SMAP1: variants seen among roughly 807,000 people sequenced by gnomAD.
The protein encoded by SMAP1 is small ArfGAP 1, also known as stromal membrane-associated protein 1.
Under a neutral mutation model 58.5 loss-of-function variants are expected in SMAP1, and 24 were observed. The ratio of observed to expected loss-of-function variants is 0.41; its 90% CI spans 0.30 to 0.58. The LOEUF is 0.58. Ranked by LOEUF, SMAP1 falls within the 20% of genes least tolerant of loss-of-function variation. The probability of loss-of-function intolerance (pLI) is 0.29; values close to 1 mark genes in which losing one functional copy is unlikely to be tolerated. For missense variants in SMAP1, 563 were observed against 566.3 expected, an observed-to-expected ratio of 0.99 and a Z score of 0.06; for synonymous variants, 216 against 196.6, an observed-to-expected ratio of 1.10 and a Z score of -0.82.
intron 6 of SMAP1, among the ~76,000 whole-genome samples, chr6:70,802,264 T>TAAA (rs1768894880): frequency 6.6e-6 from 1 of 152,178 alleles, no homozygotes; most frequent in Admixed American, 6.5e-5. Flanking sequence ...GGTATTTTAT[T>TAAA]CTCTTTGTAG....
intron 1 of SMAP1, among the ~76,000 whole-genome samples, chr6:70,728,648 A>C (rs892973946): frequency 6.6e-6 from 1 of 152,230 alleles, no homozygotes; most frequent in African/African-American, 2.4e-5. Context: ...ATGAAAAAAG[A>C]GTAGATGCCT....
chr6:70,799,533 AAG>A (rs1231415611), intron 6 of SMAP1, among the ~76,000 whole-genome samples: 9 of 152,210 alleles, frequency 5.9e-5, no homozygotes, highest in Admixed American at 2.6e-4. Flanking sequence ...GAATCATACT[AAG>A]AGAATTGTCA....
intron 1 of SMAP1, 78 bp from the exon 2 acceptor site, chr6:70,732,300 G>T (rs1422407419): frequency 1.3e-5 from 18 of 1,434,652 alleles, no homozygotes; most frequent in Non-Finnish European, 1.1e-5. Context: ...ATAAAACCGA[G>T]AATGCTTCTA....
rs1202139695 is a variant in SMAP1 at position 70,823,740 on chromosome 6, A to AT, written c.577-13195dup. On this transcript the variant is annotated intron_variant, in intron 6 of 10. Transcript: ENST00000370455. The stretch of plus-strand genomic sequence containing the variant: ...ATTGTTAGGCTGTTTTTTAATTTGT[A>AT]TTTTTTGTTGTATTATTTTTTATTT... Among the ~76,000 whole-genome samples the AT allele has an allele frequency of 2.6e-5, 4 of 151,938 alleles. No homozygotes were observed. In the East Asian group the frequency reaches 7.7e-4, roughly 29 times the overall value.
intron 6 of SMAP1, among the ~76,000 whole-genome samples, chr6:70,819,403 A>G (rs1240771080): frequency 6.6e-6 from 1 of 151,776 alleles, no homozygotes; most frequent in African/African-American, 2.4e-5. Flanking sequence ...ATAAATATTT[A>G]CAAGATGGAT....
At chr6:70,761,576 G>A (rs1233121891) in intron 3 of SMAP1, among the ~76,000 whole-genome samples, 2 of 151,878 alleles carry the variant, frequency 1.3e-5, no homozygotes, top group Non-Finnish European at 2.9e-5. Context: ...AAACTTGATG[G>A]TATGCAAGCC....
At chr6:70,802,830 C>A (rs190885031) in intron 6 of SMAP1, among the ~76,000 whole-genome samples, 11 of 152,050 alleles carry the variant, frequency 7.2e-5, no homozygotes, top group Admixed American at 6.6e-4. Flanking sequence ...GTATGTTGAA[C>A]CAGCCTTGCA....
At chr6:70,764,597 C>T (rs528910768) in intron 3 of SMAP1, among the ~76,000 whole-genome samples, 37 of 152,310 alleles carry the variant, frequency 2.4e-4, no homozygotes, top group African/African-American at 8.4e-4. Context: ...CATCTGTTTA[C>T]AGCATGGTTT....
chr6:70,705,125 A>G (rs963168158), intron 1 of SMAP1, among the ~76,000 whole-genome samples: 1 of 152,194 alleles, frequency 6.6e-6, no homozygotes, highest in Non-Finnish European at 1.5e-5. Flanking sequence ...TGAATGAACA[A>G]TTAAGCTTCT....
At chr6:70,779,666 C>T (rs1767682089) in intron 4 of SMAP1, among the ~76,000 whole-genome samples, 1 of 152,166 alleles carries the variant, frequency 6.6e-6, no homozygotes, top group African/African-American at 2.4e-5. Flanking sequence ...GTTTCCCTGC[C>T]TCTGAGCTTC....
chr6:70,810,301 G>T (rs995617456), intron 6 of SMAP1, among the ~76,000 whole-genome samples: 1 of 152,042 alleles, frequency 6.6e-6, no homozygotes, highest in Non-Finnish European at 1.5e-5. Context: ...ACACCAATGT[G>T]CCTGTCTCTC....
At chr6:70,774,898 A>C (rs1034780866) in intron 4 of SMAP1, among the ~76,000 whole-genome samples, 2 of 152,012 alleles carry the variant, frequency 1.3e-5, no homozygotes, top group Non-Finnish European at 2.9e-5. Flanking sequence ...CTGTAATCCC[A>C]GCCACTTGGG....
intron 1 of SMAP1, among the ~76,000 whole-genome samples, chr6:70,695,737 C>T (rs1280412724): frequency 6.6e-6 from 1 of 151,716 alleles, no homozygotes; most frequent in Non-Finnish European, 1.5e-5. Context: ...TATTGGCTTC[C>T]TTTTCTTTGA....
intron 1 of SMAP1, among the ~76,000 whole-genome samples, chr6:70,703,546 A>G (rs1402827530): frequency 2.6e-5 from 4 of 152,220 alleles, no homozygotes; most frequent in Non-Finnish European, 5.9e-5. Flanking sequence ...AGGACTTTAT[A>G]GAATTAATTT....
chr6:70,816,611 G>T (rs1416361652), intron 6 of SMAP1, among the ~76,000 whole-genome samples: 3 of 152,148 alleles, frequency 2.0e-5, no homozygotes, highest in African/African-American at 7.2e-5. Flanking sequence ...CACTGAGTGA[G>T]TTTTTATTGA....
chr6:70,769,470 CTCT>C (rs771350624), intron 3 of SMAP1, among the ~76,000 whole-genome samples: 1 of 152,154 alleles, frequency 6.6e-6, no homozygotes, highest in Non-Finnish European at 1.5e-5. Flanking sequence ...GGATAGTTAG[CTCT>C]TCTTGTTGAA....
chr6:70,738,129 G>A (rs1765684082), intron 2 of SMAP1, among the ~76,000 whole-genome samples: 1 of 152,124 alleles, frequency 6.6e-6, no homozygotes, highest in African/African-American at 2.4e-5. Context: ...CATTCACTAG[G>A]TAGATGAGGA....
chr6:70,793,192 G>T (rs933588762), intron 5 of SMAP1, among the ~76,000 whole-genome samples: 4 of 151,966 alleles, frequency 2.6e-5, no homozygotes, highest in African/African-American at 7.3e-5. Context: ...GCACCACCAT[G>T]CCCAGCTAAT....
At chr6:70,701,571 G>T (rs1415112136) in intron 1 of SMAP1, among the ~76,000 whole-genome samples, 2 of 152,122 alleles carry the variant, frequency 1.3e-5, no homozygotes, top group South Asian at 2.1e-4. Flanking sequence ...TCTGGTTAAG[G>T]CTGGTATAAA....
Sources: gnomAD v4.1 joint callset for allele counts (sites outside exome capture counted in the v4.1 genomes callset) on GRCh38, gnomAD v4.1.1 for gene constraint, MANE v1.5 for transcripts, NCBI Gene and HGNC (gene_info 2026-07-23, HGNC 2026-07-21) for gene names.